Variants in NYAP2 observed in about 807,000 individuals in gnomAD.
NYAP2 encodes the protein neuronal tyrosine-phosphorylated phosphoinositide-3-kinase adapter 2.
In NYAP2, 23 loss-of-function variants were observed where a neutral mutation model predicts 50.4. The observed-to-expected ratio is 0.46, with a 90% CI of 0.33 to 0.65. NYAP2 has a LOEUF of 0.65. Among genes scored for constraint, NYAP2 ranks in the 30% least tolerant of loss-of-function variants. The pLI, the probability that NYAP2 is intolerant of heterozygous loss-of-function variation, is 0.02. For missense variants in NYAP2, 885 were observed against 861.0 expected, an observed-to-expected ratio of 1.03 and a Z score of -0.35; for synonymous variants, 394 against 365.2, an observed-to-expected ratio of 1.08 and a Z score of -0.90.
chr2:225,442,108 A>G (rs1477956903), intron 3 of NYAP2, among the ~76,000 whole-genome samples: 6 of 152,224 alleles, frequency 3.9e-5, no homozygotes, highest in African/African-American at 1.2e-4. Context: ...TTTCTCAGAG[A>G]ATTTCTCATG....
chr2:225,424,901 T>G (rs1265398340), intron 3 of NYAP2, among the ~76,000 whole-genome samples: 1 of 152,094 alleles, frequency 6.6e-6, no homozygotes, highest in Admixed American at 6.6e-5. Context: ...TTAGAAGTAA[T>G]CGGGAAAAGA....
intron 4 of NYAP2, among the ~76,000 whole-genome samples, chr2:225,528,714 A>C (rs952422356): frequency 6.6e-6 from 1 of 152,206 alleles, no homozygotes; most frequent in Non-Finnish European, 1.5e-5. Flanking sequence ...TGTTCTTGAT[A>C]CAGCAAACCC....
At chr2:225,673,483 T>C in the NYAP2 span, among the ~76,000 whole-genome samples, 1 of 152,074 alleles carries the variant, frequency 6.6e-6, no homozygotes, top group African/African-American at 2.4e-5. Flanking sequence ...GCAATGTCTA[T>C]GAAGCACAAT....
the NYAP2 span, among the ~76,000 whole-genome samples, chr2:225,687,163 A>G: frequency 6.6e-6 from 1 of 152,170 alleles, no homozygotes; most frequent in Non-Finnish European, 1.5e-5. Context: ...ATGTGATGCT[A>G]TACGTGTAAC....
chr2:225,480,041 AAT>A lies in NYAP2; in HGVS notation c.222-33329_222-33328del, dbSNP rs543260647. 1.8e-3 allele frequency among the ~76,000 whole-genome samples: 279 copies of A among 152,274 alleles called. 1 individual carries two copies. Among genetic ancestry groups the A allele is most frequent in the Middle Eastern group, 0.01 (3 of 294 alleles). On this transcript the variant is annotated intron_variant, in intron 3 of 6. Coordinates refer to ENST00000636099, the Ensembl canonical transcript of NYAP2. ...AAGTAACTTTGGTAAAAGTTAAGTC[AAT>A]CAAAGTATGTATTACTTTCTAAGGA...
chr2:225,605,789 T>C (rs887889661), intron 5 of NYAP2, among the ~76,000 whole-genome samples: 2 of 152,154 alleles, frequency 1.3e-5, no homozygotes, highest in African/African-American at 4.8e-5. Context: ...GATTAGCTCC[T>C]ATTTATTTAT....
At chr2:225,515,480 T>A (rs1690913485) in intron 4 of NYAP2, among the ~76,000 whole-genome samples, 1 of 152,168 alleles carries the variant, frequency 6.6e-6, no homozygotes, top group Admixed American at 6.5e-5. Context: ...TGTGTGTGTG[T>A]GTGTGTGTGT....
At position 225,424,903 on chromosome 2, in the gene NYAP2, G is replaced by A. The variant is rs530177830; in HGVS notation, c.221+15802G>A. Among the ~76,000 whole-genome samples the A allele has an allele frequency of 2.0e-5, 3 of 152,092 alleles. No individual in the cohort carries two copies. The South Asian group carries it at 6.2e-4, about 32-fold the overall frequency. Reference sequence around the variant, plus strand: ...TGCAAAATGCTTGTTAGAAGTAATCGGGAAAAGAAATCTGTGTAGTTCTAT... The same window carrying A: ...TGCAAAATGCTTGTTAGAAGTAATCAGGAAAAGAAATCTGTGTAGTTCTAT... On this transcript the variant is annotated intron_variant, in intron 3 of 6. Coordinates refer to ENST00000636099, the Ensembl canonical transcript of NYAP2.
At chr2:225,474,673 T>A (rs1027118362) in intron 3 of NYAP2, among the ~76,000 whole-genome samples, 8 of 152,238 alleles carry the variant, frequency 5.3e-5, no homozygotes, top group African/African-American at 1.9e-4. Flanking sequence ...ATCCTGAGAC[T>A]TTGCTGAAGT....
intron 3 of NYAP2, among the ~76,000 whole-genome samples, chr2:225,493,167 G>T (rs576725837): frequency 3.3e-5 from 5 of 151,938 alleles, no homozygotes; most frequent in Non-Finnish European, 7.4e-5. Context: ...TGTATTTGTT[G>T]TAAAGATAGG....
At chr2:225,603,077 G>A (rs770319571) in intron 5 of NYAP2, among the ~76,000 whole-genome samples, 5 of 152,076 alleles carry the variant, frequency 3.3e-5, no homozygotes, top group African/African-American at 7.2e-5. Flanking sequence ...AGGCTGAGGC[G>A]TCTTTCCATT....
chr2:225,606,682 A>G (rs1692793037), intron 5 of NYAP2, among the ~76,000 whole-genome samples: 3 of 152,154 alleles, frequency 2.0e-5, no homozygotes, highest in Admixed American at 2.0e-4. Context: ...TATAGAAGGA[A>G]AAGTTAATTT....
chr2:225,458,173 C>A (rs1292046274), intron 3 of NYAP2, among the ~76,000 whole-genome samples: 3 of 151,988 alleles, frequency 2.0e-5, no homozygotes, highest in Admixed American at 1.3e-4. Flanking sequence ...AAATGAATCT[C>A]TTTTGTATTC....
chr2:225,587,904 A>G (rs1395029443), intron 5 of NYAP2, among the ~76,000 whole-genome samples: 1 of 151,468 alleles, frequency 6.6e-6, no homozygotes, highest in Non-Finnish European at 1.5e-5. Context: ...ATTAAACCTC[A>G]TCTTTTAGCC....
intron 4 of NYAP2, among the ~76,000 whole-genome samples, chr2:225,569,958 A>T (rs545362571): frequency 6.6e-6 from 1 of 152,130 alleles, no homozygotes; most frequent in Non-Finnish European, 1.5e-5. Context: ...TGTGTAAAGG[A>T]TGGAATGGCA....
At chr2:225,578,883 T>C (rs1692214971) in intron 4 of NYAP2, among the ~76,000 whole-genome samples, 1 of 152,088 alleles carries the variant, frequency 6.6e-6, no homozygotes, top group African/African-American at 2.4e-5. Context: ...TAGAGAGTGG[T>C]TTAAATTAGA....
chr2:225,675,334 C>T, the NYAP2 span, among the ~76,000 whole-genome samples: 1 of 151,978 alleles, frequency 6.6e-6, no homozygotes, highest in South Asian at 2.1e-4. Flanking sequence ...GTCTATTGTT[C>T]CCATCTATAC....
At chr2:225,455,912 C>A (rs1420819551) in intron 3 of NYAP2, among the ~76,000 whole-genome samples, 1 of 152,070 alleles carries the variant, frequency 6.6e-6, no homozygotes, top group Non-Finnish European at 1.5e-5. Flanking sequence ...ATAGACCTGC[C>A]GTTAGAAAAT....
At chr2:225,509,085 C>T (rs571559985) in intron 3 of NYAP2, among the ~76,000 whole-genome samples, 144 of 152,282 alleles carry the variant, frequency 9.5e-4, no homozygotes, top group African/African-American at 3.3e-3. Flanking sequence ...GACTGGTTCT[C>T]GTCATCTCCC....
Sources: allele counts gnomAD v4.1 joint callset (sites outside exome capture counted in the v4.1 genomes callset), GRCh38; gene constraint gnomAD v4.1.1; transcripts MANE v1.5; gene names NCBI Gene and HGNC (gene_info 2026-07-23, HGNC 2026-07-21).